SEC24D: variants seen among roughly 807,000 people sequenced by gnomAD.
The protein encoded by SEC24D is SEC24 homolog D, COPII component, also known as protein transport protein Sec24D.
A neutral mutation model predicts 116.9 loss-of-function variants in SEC24D; 69 were observed. The observed-to-expected ratio is 0.59, with a 90% CI of 0.49 to 0.72. The LOEUF is 0.72. SEC24D is among the 30% of genes least tolerant of loss of function. SEC24D has a pLI of 0.00. For synonymous variants in SEC24D, 405 were observed against 442.8 expected (o/e 0.91, Z 1.07); for missense variants, 1,131 against 1,264.1 (o/e 0.89, Z 1.60).
At chr4:118,818,262 C>T (rs1321949860) in intron 3 of SEC24D, among the ~76,000 whole-genome samples, 2 of 152,040 alleles carry the variant, frequency 1.3e-5, no homozygotes, top group Non-Finnish European at 2.9e-5. Flanking sequence ...AAATGGTATA[C>T]TCTGATTTCA....
intron 18 of SEC24D, 147 bp from the exon 19 acceptor site, chr4:118,738,526 A>T (rs1726080387): frequency 1.5e-6 from 1 of 656,404 alleles, no homozygotes; most frequent in African/African-American, 1.8e-5. Flanking sequence ...TCATTTGCTA[A>T]TGGTCTCCTC....
chr4:118,771,275 T>A (rs1345543304), intron 8 of SEC24D, among the ~76,000 whole-genome samples: 3 of 152,216 alleles, frequency 2.0e-5, no homozygotes, highest in Admixed American at 6.5e-5. Context: ...ATTTTAAAAA[T>A]TTTGTTTACA....
chr4:118,835,388 G>T (rs1731049481), intron 1 of SEC24D, among the ~76,000 whole-genome samples: 1 of 152,156 alleles, frequency 6.6e-6, no homozygotes, highest in South Asian at 2.1e-4. Context: ...AAGCCACTTG[G>T]TATAAGCAGG....
At chr4:118,797,599 T>C (rs1729235849) in intron 8 of SEC24D, 84 bp downstream of exon 8, 4 of 1,031,922 alleles carry the variant, frequency 3.9e-6, no homozygotes, top group Non-Finnish European at 5.4e-6. Flanking sequence ...GTTTATATTA[T>C]AGAATAATGT....
chr4:118,811,202 A>G (rs1238165161), intron 6 of SEC24D, among the ~76,000 whole-genome samples: 2 of 152,214 alleles, frequency 1.3e-5, no homozygotes, highest in African/African-American at 4.8e-5. Context: ...CTTTAAAAGA[A>G]AGCCAGGAGA....
At chr4:118,829,203 T>C (rs115354352) in intron 2 of SEC24D, among the ~76,000 whole-genome samples, 6,658 of 152,346 alleles carry the variant, frequency 0.044, 202 homozygotes, top group Non-Finnish European at 0.064. Context: ...ACAATTATTT[T>C]GTTCATCAAA....
chr4:118,724,869 T>C (rs1725328280), intron 22 of SEC24D, among the ~76,000 whole-genome samples: 1 of 152,200 alleles, frequency 6.6e-6, no homozygotes, highest in Non-Finnish European at 1.5e-5. Context: ...AGCGAGGGTA[T>C]TTCTCACTTC....
chr4:118,781,920 G>T (rs560978153), intron 8 of SEC24D, among the ~76,000 whole-genome samples: 75 of 152,248 alleles, frequency 4.9e-4, no homozygotes, highest in South Asian at 2.7e-3. Context: ...TCGCACCATG[G>T]TTTTCAGCTC....
At chr4:118,738,143 C>T (rs1726057075) in intron 19 of SEC24D, 118 bp downstream of exon 19, 3 of 708,028 alleles carry the variant, frequency 4.2e-6, no homozygotes, top group African/African-American at 1.8e-5. Flanking sequence ...CTCAGCTACA[C>T]TGTTTACTGT....
chr4:118,800,130 G>A (rs1415497756), intron 7 of SEC24D, among the ~76,000 whole-genome samples: 3 of 152,132 alleles, frequency 2.0e-5, no homozygotes, highest in Admixed American at 6.6e-5. Context: ...CGCTGAGACT[G>A]GGGGTCCACG....
intron 11 of SEC24D, among the ~76,000 whole-genome samples, chr4:118,755,464 C>CAAAAAAAAAAAAAAAAAAAA (rs34008479): frequency 2.4e-5 from 2 of 85,080 alleles, no homozygotes; most frequent in Non-Finnish European, 2.6e-5. Context: ...AACAAACAGA[C>CAAAAAAAAAAAAAAAAAAAA]AAAAAAAAAA....
rs193151104 is a variant in SEC24D at position 118,820,468 on chromosome 4, C to T, written c.249-3056G>A. Among the ~76,000 whole-genome samples, 485 of 152,210 alleles carry T rather than the reference C, an allele frequency of 3.2e-3. 4 individuals carry two copies. The highest frequency in any genetic ancestry group is 5.9e-3 in the Non-Finnish European group (399 of 68,004). On this transcript the variant is annotated intron_variant, in intron 3 of 22. Coordinates refer to ENST00000280551, the MANE Select transcript of SEC24D (RefSeq NM_014822.4). ...TGCTGGGATTACAGGCATGAGCCAC[C>T]GCACCCAGCCAATATTTTTTAATTT...
At chr4:118,816,908 G>C in intron 4 of SEC24D, 1 of 406,834 alleles carries the variant, frequency 2.5e-6, no homozygotes, top group South Asian at 1.8e-5. Flanking sequence ...CTGATTTGGG[G>C]GCCCCATCAT....
At chr4:118,744,293 C>A in intron 14 of SEC24D, 135 bp from the exon 15 acceptor site, 1 of 884,768 alleles carries the variant, frequency 1.1e-6, no homozygotes, top group Non-Finnish European at 1.7e-6. Flanking sequence ...GTGAACTGGG[C>A]TGAAGAAACA....
rs368876448 is a variant in SEC24D, at chr4:118,732,746, T to C, written c.2663A>G (p.Gln888Arg). The change falls in exon 20 of 23, where the codon CAA becomes CGA. Residue 888 changes from glutamine to arginine, a missense_variant. By Grantham distance (43) the Gln-to-Arg change is conservative. Coordinates refer to ENST00000280551, the MANE Select transcript of SEC24D (RefSeq NM_014822.4). ...VADSQLFFYP[Q>R]LLPIHTLDVK... is the part of the protein sequence containing the mutation. ...CAGCATGCTTACTATGGGCAGAAGT[T>C]GTGGGTAGAAGAAAAGCTGAGAGTC... is the stretch of plus-strand genomic sequence containing the variant. 1 of 1,613,940 alleles carries C rather than the reference T, an allele frequency of 6.2e-7. No homozygotes were observed. Among genetic ancestry groups the C allele is most frequent in the Non-Finnish European group, 8.5e-7 (1 of 1,179,898 alleles).
At position 118,817,336 on chromosome 4, in the gene SEC24D, G is replaced by T. The variant is rs144479844; in HGVS notation, c.325C>A (p.Pro109Thr). ...PYQPSAQSSY[P>T]GPISTSSVTQ... is the part of the protein sequence containing the mutation. ...ACAGATGAAGTGGATATAGGACCTG[G>T]ATAAGAAGATTGTGCAGAGGGTTGG... is the stretch of plus-strand genomic sequence containing the variant. Residue 109 changes from proline (P) to threonine (T), a missense_variant, in exon 4 of 23, where the codon CCA becomes ACA. Coordinates refer to ENST00000280551, the MANE Select transcript of SEC24D (RefSeq NM_014822.4). 6.8e-6 allele frequency: 11 copies of T among 1,613,960 alleles called. No homozygotes were observed. In the African/African-American group the frequency reaches 1.5e-4, roughly 22 times the overall value.
chr4:118,767,652 T>C (rs1256819026), intron 9 of SEC24D, among the ~76,000 whole-genome samples: 1 of 152,182 alleles, frequency 6.6e-6, no homozygotes, highest in Non-Finnish European at 1.5e-5. Context: ...CAAAATATAA[T>C]GAATACGGGA....
intron 21 of SEC24D, chr4:118,729,308 T>C (rs1725566577): frequency 6.6e-6 from 1 of 152,166 alleles, no homozygotes; most frequent in Non-Finnish European, 1.5e-5. Flanking sequence ...GTACAAGTTA[T>C]ATGCAAATAC....
At chr4:118,747,095 G>A (rs1354644995) in intron 13 of SEC24D, among the ~76,000 whole-genome samples, 1 of 152,080 alleles carries the variant, frequency 6.6e-6, no homozygotes, top group Non-Finnish European at 1.5e-5. Flanking sequence ...GAATCTACAG[G>A]TATATGTACG....
Sources: allele counts gnomAD v4.1 joint callset (sites outside exome capture counted in the v4.1 genomes callset), GRCh38; gene constraint gnomAD v4.1.1; transcripts MANE v1.5; gene names NCBI Gene and HGNC (gene_info 2026-07-23, HGNC 2026-07-21).